The following ADARB2 variants were observed in gnomAD, a reference collection of about 807,000 sequenced individuals.
The protein encoded by ADARB2 is adenosine deaminase RNA specific B2 (inactive).
Under a neutral mutation model 62.2 loss-of-function variants are expected in ADARB2, and 25 were observed. The ratio of observed to expected loss-of-function variants is 0.40; its 90% confidence interval spans 0.29 to 0.56. ADARB2 has a LOEUF of 0.56. Ranked by LOEUF, ADARB2 falls within the 20% of genes least tolerant of loss-of-function variation. The probability of loss-of-function intolerance (pLI) is 0.43; values close to 1 mark genes in which losing one functional copy is unlikely to be tolerated. For synonymous variants in ADARB2, 572 were observed against 500.8 expected, an observed-to-expected ratio of 1.14 and a Z score of -1.90; for missense variants, 1,071 against 1,077.4, an observed-to-expected ratio of 0.99 and a Z score of 0.08.
At chr10:1,468,705 G>A (rs1254689350) in intron 1 of ADARB2, among the ~76,000 whole-genome samples, 1 of 152,174 alleles carries the variant, frequency 6.6e-6, no homozygotes, top group African/African-American at 2.4e-5. Context: ...AAGGACAAGT[G>A]GTGCCTTCCT....
Position 1,271,922 on chromosome 10 carries a change from G to A in ADARB2, c.1078-853C>T, listed in dbSNP as rs137893382. ...AGTTCTGCCACTCAGGAGCCTGGGT[G>A]AGTCGTTAACTCCTCGGAGCCCATT... On this transcript the variant is annotated intron_variant, in intron 3 of 9. Coordinates refer to ENST00000381312, the MANE Select transcript of ADARB2 (RefSeq NM_018702.4). Among the ~76,000 whole-genome samples, 28 of 152,316 alleles carry A rather than the reference G, an allele frequency of 1.8e-4. 1 individual carries two copies. The East Asian group carries it at 5.2e-3, about 28-fold the overall frequency.
intron 1 of ADARB2, among the ~76,000 whole-genome samples, chr10:1,381,506 C>T (rs1832482722): frequency 6.6e-6 from 1 of 152,174 alleles, no homozygotes; most frequent in Admixed American, 6.5e-5. Context: ...GGGTCAATGC[C>T]CAAATAATGG....
intron 7 of ADARB2, among the ~76,000 whole-genome samples, chr10:1,200,772 G>A (rs888104452): frequency 4.5e-4 from 69 of 152,136 alleles, no homozygotes; most frequent in Non-Finnish European, 8.5e-4. Context: ...TTAAATTTGG[G>A]TGGCAAGAGG....
intron 1 of ADARB2, among the ~76,000 whole-genome samples, chr10:1,712,542 C>A (rs1405303657): frequency 1.3e-5 from 2 of 151,912 alleles, no homozygotes; most frequent in East Asian, 1.9e-4. Context: ...TGGGAAGCAA[C>A]CCGGGAGGAT....
At chr10:1,219,049 CAAAAAA>C (rs58282140) in intron 6 of ADARB2, among the ~76,000 whole-genome samples, 30,734 of 103,536 alleles carry the variant, frequency 0.3, 3,903 homozygotes, top group African/African-American at 0.33. Context: ...GACTACGTCT[CAAAAAA>C]AAAAAAAAAA....
At chr10:1,186,649 G>C (rs1183285017) in intron 8 of ADARB2, 2 of 487,306 alleles carry the variant, frequency 4.1e-6, no homozygotes, top group Non-Finnish European at 8.2e-6. Flanking sequence ...TGAGTTCTCG[G>C]GGGCCCGTCA....
chr10:1,659,322 G>A (rs1017887860), intron 1 of ADARB2, among the ~76,000 whole-genome samples: 1 of 152,154 alleles, frequency 6.6e-6, no homozygotes, highest in African/African-American at 2.4e-5. Context: ...GGCCTGCCCC[G>A]GGCTCCTCTG....
At chr10:1,348,909 C>G (rs1397409674) in intron 3 of ADARB2, among the ~76,000 whole-genome samples, 1 of 152,188 alleles carries the variant, frequency 6.6e-6, no homozygotes, top group Non-Finnish European at 1.5e-5. Context: ...CCCAGGAAGT[C>G]ACCAGGTGCT....
chr10:1,352,284 A>C (rs894125392), intron 3 of ADARB2, among the ~76,000 whole-genome samples: 22 of 152,156 alleles, frequency 1.4e-4, no homozygotes, highest in African/African-American at 5.1e-4. Flanking sequence ...AGATACTTTC[A>C]ACTTTAGATA....
chr10:1,207,546 C>T (rs901874766), intron 7 of ADARB2, among the ~76,000 whole-genome samples: 5 of 151,948 alleles, frequency 3.3e-5, no homozygotes, highest in Non-Finnish European at 5.9e-5. Context: ...AGGTGGGCTG[C>T]GTGGCCAAGA....
At chr10:1,501,712 CA>C (rs1831770786) in intron 1 of ADARB2, among the ~76,000 whole-genome samples, 1 of 152,182 alleles carries the variant, frequency 6.6e-6, no homozygotes, top group Non-Finnish European at 1.5e-5. Context: ...GTAAACTAGC[CA>C]GGGGAATTTA....
At chr10:1,361,714 T>C (rs1477115914) in intron 3 of ADARB2, 1 of 152,230 alleles carries the variant, frequency 6.6e-6, no homozygotes, top group African/African-American at 2.4e-5. Context: ...CCCTGAGCAG[T>C]GTCTGAGGTT....
intron 1 of ADARB2, among the ~76,000 whole-genome samples, chr10:1,520,876 A>G (rs1010506901): frequency 6.6e-6 from 1 of 152,234 alleles, no homozygotes; most frequent in African/African-American, 2.4e-5. Context: ...TGTAGCATTG[A>G]GATGCAAGCT....
chr10:1,243,996 G>T (rs1830953420), intron 4 of ADARB2, among the ~76,000 whole-genome samples: 1 of 152,216 alleles, frequency 6.6e-6, no homozygotes, highest in Admixed American at 6.5e-5. Flanking sequence ...CCGCCCTGAG[G>T]TTCCTCCCCC....
At chr10:1,307,553 C>G (rs1190086170) in intron 3 of ADARB2, among the ~76,000 whole-genome samples, 1 of 143,056 alleles carries the variant, frequency 7.0e-6, no homozygotes, top group African/African-American at 2.5e-5. Flanking sequence ...CTAGAAATAC[C>G]ATTTGACCCA....
At chr10:1,259,016 C>T (rs953644964) in intron 4 of ADARB2, among the ~76,000 whole-genome samples, 4 of 152,202 alleles carry the variant, frequency 2.6e-5, no homozygotes, top group Admixed American at 6.5e-5. Flanking sequence ...TGCTCAACTA[C>T]ATGGAAACTG....
At chr10:1,339,127 G>A (rs7906579) in intron 3 of ADARB2, among the ~76,000 whole-genome samples, 3,409 of 152,260 alleles carry the variant, frequency 0.022, 114 homozygotes, top group African/African-American at 0.076. Flanking sequence ...GGGTTGCTCG[G>A]CCACGCCCTG....
intron 1 of ADARB2, among the ~76,000 whole-genome samples, chr10:1,530,533 G>A (rs1446232531): frequency 6.6e-6 from 1 of 152,226 alleles, no homozygotes; most frequent in African/African-American, 2.4e-5. Flanking sequence ...CACAGGACGA[G>A]ACTCCTTGCG....
intron 1 of ADARB2, among the ~76,000 whole-genome samples, chr10:1,455,178 G>C (rs72762999): frequency 0.16 from 24,094 of 152,206 alleles, 2,233 homozygotes; most frequent in East Asian, 0.35. Flanking sequence ...GCTTTAGTGA[G>C]GATGGATTGC....
Sources: allele counts gnomAD v4.1 joint callset (sites outside exome capture counted in the v4.1 genomes callset), GRCh38; gene constraint gnomAD v4.1.1; transcripts MANE v1.5; gene names NCBI Gene and HGNC (gene_info 2026-07-23, HGNC 2026-07-21).